Variants in COL1A2 observed in about 807,000 individuals in gnomAD.
COL1A2 encodes collagen type I alpha 2 chain, also known as collagen alpha-2(I) chain.
A neutral mutation model predicts 174.3 loss-of-function variants in COL1A2; 49 were observed. That is an observed-to-expected ratio of 0.28 (90% CI 0.22 to 0.36). The LOEUF (loss-of-function observed/expected upper bound fraction) is 0.36. Among genes scored for constraint, COL1A2 ranks in the 10% least tolerant of loss-of-function variants. The pLI, the probability that COL1A2 is intolerant of heterozygous loss-of-function variation, is 1.00. For synonymous variants in COL1A2, 655 were observed against 606.6 expected, an observed-to-expected ratio of 1.08 and a Z score of -1.17; for missense variants, 1,438 against 1,822.7, an observed-to-expected ratio of 0.79 and a Z score of 3.84.
chr7:94,419,608 A>G, intron 34 of COL1A2, 57 bp downstream of exon 34: 1 of 1,578,568 alleles, frequency 6.3e-7, no homozygotes, highest in Non-Finnish European at 8.7e-7. Context: ...CGCCTTCCCT[A>G]GTCCCAAAGA....
At chr7:94,415,350 G>C in intron 30 of COL1A2, 80 bp downstream of exon 30, 1 of 1,196,940 alleles carries the variant, frequency 8.4e-7, no homozygotes, top group Non-Finnish European at 1.3e-6. Flanking sequence ...TAAAGCCACT[G>C]ATGACCCTGC....
At position 94,406,261 on chromosome 7, in the gene COL1A2, T is replaced by G; in HGVS notation, c.552T>G (p.Gly184=). 12 of 1,613,902 alleles carry G rather than the reference T, an allele frequency of 7.4e-6. No homozygotes were observed. The highest frequency in any genetic ancestry group is 1.0e-5 in the Non-Finnish European group (12 of 1,179,838). Residue 184 remains glycine (G), a synonymous_variant, in exon 12 of 52, where the codon GGT becomes GGG. Transcript: ENST00000297268. Reference sequence around the variant, plus strand: ...GGCTTTCCTTTCAGGGACACAATGGTCTGGATGGATTGAAGGGACAGCCCG... The same window carrying G: ...GGCTTTCCTTTCAGGGACACAATGGGCTGGATGGATTGAAGGGACAGCCCG... ...PGFKGIRGHN[G]LDGLKGQPGA... is the part of the protein sequence containing the mutation.
chr7:94,397,535 A>G (rs1256089220), intron 1 of COL1A2, among the ~76,000 whole-genome samples: 2 of 152,106 alleles, frequency 1.3e-5, no homozygotes, highest in African/African-American at 2.4e-5. Flanking sequence ...ACATTTACAT[A>G]TTAATATTGC....
chr7:94,404,479 G>T, intron 6 of COL1A2, 77 bp from the exon 7 acceptor site: 1 of 1,459,934 alleles, frequency 6.8e-7, no homozygotes, highest in Non-Finnish European at 9.6e-7. Flanking sequence ...GCACTGCTAA[G>T]TTGGTCATAT....
At chr7:94,397,698 T>C (rs1281987013) in intron 1 of COL1A2, 50 bp from the exon 2 acceptor site, 5 of 1,046,036 alleles carry the variant, frequency 4.8e-6, no homozygotes, top group African/African-American at 3.1e-5. Flanking sequence ...TATTGATCCA[T>C]GAAGTGATAC....
Position 94,415,491 on chromosome 7 carries a change from C to A in COL1A2, c.1764+221C>A, listed in dbSNP as rs2250365. 0.28 allele frequency among the ~76,000 whole-genome samples: 43,021 copies of A among 151,922 alleles called. 6,199 individuals are homozygous for A. The highest frequency in any genetic ancestry group is 0.31 in the Non-Finnish European group (21,118 of 67,910). On this transcript the variant is annotated intron_variant, in intron 30 of 51. Coordinates refer to ENST00000297268, the MANE Select transcript of COL1A2 (RefSeq NM_000089.4). ...AATAATTACATAGTTATAAGAAACA[C>A]ATAAATCAATATATATTATAGTCAG...
intron 42 of COL1A2, 147 bp from the exon 43 acceptor site, chr7:94,425,463 T>C: frequency 1.1e-6 from 1 of 912,394 alleles, no homozygotes; most frequent in East Asian, 2.6e-5. Flanking sequence ...ATATCTAGGT[T>C]GGCAGGTTTT....
At chr7:94,408,482 A>G in intron 15 of COL1A2, 102 bp downstream of exon 15, 6 of 1,370,640 alleles carry the variant, frequency 4.4e-6, no homozygotes, top group Non-Finnish European at 6.3e-6. Flanking sequence ...CAGACACTTT[A>G]CCAAATGTTC....
Position 94,420,565 on chromosome 7 carries a change from A to G in COL1A2, c.2212A>G (p.Lys738Glu). The change falls in exon 37 of 52, where the codon AAA becomes GAA. Residue 738 changes from lysine to glutamate, a missense_variant. Lys to Glu is a moderately conservative substitution (Grantham distance 56, BLOSUM62 1). Around this residue, in one of 3 missense-constraint regions of COL1A2, gnomAD observed 867 missense variants for 1,213.7 expected, o/e 0.71. Coordinates refer to ENST00000297268, the MANE Select transcript of COL1A2 (RefSeq NM_000089.4). ...PAGAAGQPGA[K>E]GERGAKGPKG... ...GGGTGCTGCTGGTCAACCTGGTGCT[A>G]AAGGAGAAAGAGGAGCCAAAGGGCC... The G allele has an allele frequency of 6.2e-7, 1 of 1,613,934 alleles. No individual in the cohort carries two copies. Among genetic ancestry groups the G allele is most frequent in the Non-Finnish European group, 8.5e-7 (1 of 1,179,936 alleles).
chr7:94,398,664 AG>A lies in COL1A2; in HGVS notation c.96+269del, dbSNP rs1390225457. Among the ~76,000 whole-genome samples, 9 of 152,114 alleles carry A rather than the reference AG, an allele frequency of 5.9e-5. No homozygotes were observed. The East Asian group carries it at 1.3e-3, about 23-fold the overall frequency. Reference sequence around the variant, plus strand: ...AAAAAAAGACTTGTTTTTATTCTGGAGATGGAAGGCATATTATGTTAATTAT... The same window carrying A: ...AAAAAAAGACTTGTTTTTATTCTGGAATGGAAGGCATATTATGTTAATTAT... On this transcript the variant is annotated intron_variant, in intron 3 of 51. Transcript: ENST00000297268.
At position 94,397,753 on chromosome 7, in the gene COL1A2, C is replaced by T; in HGVS notation, c.76C>T (p.Gln26Ter). 2 of 1,293,686 alleles carry T rather than the reference C, an allele frequency of 1.5e-6. No homozygotes were observed. Among genetic ancestry groups the T allele is most frequent in the Non-Finnish European group, 2.2e-6 (2 of 903,316 alleles). 80.1% of individuals were successfully genotyped at this position (1,293,686 alleles called of 1,614,324 possible). Residue 26 changes from glutamine (Q) to a stop codon, truncating the protein, a stop_gained, in exon 2 of 52, where the codon CAA becomes TAA. Transcript: ENST00000297268. LOFTEE classifies it high-confidence loss of function. ...TLCLATCQSLQEETVRKGPAG... is the reference protein window; with the variant it reads ...TLCLATCQSL The stretch of plus-strand genomic sequence containing the variant: ...TTTCTTTTTTTTTTCTACAGCTTTA[C>T]AAGAGGTGAGTAAAACTTTTTTTAG...
Position 94,418,479 on chromosome 7 carries a change from C to T in COL1A2, c.1972-20C>T, listed in dbSNP as rs760397465. ...ATTTTGGTCAGAAAACAAAAAGTTG[C>T]TCTTGCTTTATACTTTCAGGGTGAA... is the stretch of plus-strand genomic sequence containing the variant. On this transcript the variant is annotated intron_variant, in intron 32 of 51. Coordinates refer to ENST00000297268, the MANE Select transcript of COL1A2 (RefSeq NM_000089.4). 3.7e-6 allele frequency: 6 copies of T among 1,612,806 alleles called. 1 individual carries two copies. Among genetic ancestry groups the T allele is most frequent in the African/African-American group, 2.7e-5 (2 of 74,942 alleles).
chr7:94,428,481 A>C lies in COL1A2; in HGVS notation c.3711+4A>C. On this transcript the variant is annotated splice_donor_region_variant and intron_variant, in intron 50 of 51. Transcript: ENST00000297268. ...AACTATCAATGCTGGCAGCCAGGTG[A>C]GGAATCCCACAAACACCTCTCCTTC... The C allele has an allele frequency of 6.2e-7, 1 of 1,612,930 alleles. No individual in the cohort carries two copies. Among genetic ancestry groups the C allele is most frequent in the Middle Eastern group, 1.7e-4 (1 of 6,060 alleles).
At chr7:94,429,473 TG>T in intron 51 of COL1A2, 43 bp downstream of exon 51, 1 of 1,609,506 alleles carries the variant, frequency 6.2e-7, no homozygotes, top group Non-Finnish European at 8.5e-7. Flanking sequence ...GGAAGTGGGA[TG>T]GAGGGGGTTC....
At chr7:94,406,889 G>C (rs563056778) in intron 12 of COL1A2, among the ~76,000 whole-genome samples, 1 of 152,104 alleles carries the variant, frequency 6.6e-6, no homozygotes, top group Non-Finnish European at 1.5e-5. Flanking sequence ...GAATACCAAC[G>C]TAATTACAAA....
intron 25 of COL1A2, 35 bp from the exon 26 acceptor site, chr7:94,413,048 G>A: frequency 6.2e-7 from 1 of 1,604,366 alleles, no homozygotes; most frequent in Non-Finnish European, 8.5e-7. Flanking sequence ...AATGTGCAAA[G>A]CTGTTCTTTG....
chr7:94,429,513 T>TA, intron 51 of COL1A2, 83 bp downstream of exon 51: 4 of 1,446,042 alleles, frequency 2.8e-6, no homozygotes, highest in Non-Finnish European at 2.9e-6. Flanking sequence ...AGGGGGGGTC[T>TA]AAAGGGGGGT....
intron 4 of COL1A2, 122 bp from the exon 5 acceptor site, chr7:94,400,074 G>C (rs1479451916): frequency 1.2e-6 from 1 of 861,840 alleles, no homozygotes; most frequent in East Asian, 2.4e-5. Flanking sequence ...GACAAATATA[G>C]TATATTAAAT....
chr7:94,413,073 T>C lies in COL1A2; in HGVS notation c.1504-10T>C, dbSNP rs1477205196. 1 of 1,613,920 alleles carries C rather than the reference T, an allele frequency of 6.2e-7. No individual in the cohort carries two copies. The highest frequency in any genetic ancestry group is 8.5e-7 in the Non-Finnish European group (1 of 1,179,910). Reference sequence around the variant, plus strand: ...GCTGTTCTTTGTTTTGTTTTTCATTTTTACTCTAGGGTGATCCTGGCAAAA... The same window carrying C: ...GCTGTTCTTTGTTTTGTTTTTCATTCTTACTCTAGGGTGATCCTGGCAAAA... On this transcript the variant is annotated splice_polypyrimidine_tract_variant and intron_variant, in intron 25 of 51. Coordinates refer to ENST00000297268, the MANE Select transcript of COL1A2 (RefSeq NM_000089.4).
Sources: allele counts gnomAD v4.1 joint callset (sites outside exome capture counted in the v4.1 genomes callset), GRCh38; gene constraint gnomAD v4.1.1; regional missense constraint gnomAD v4.1.1; transcripts MANE v1.5; gene names NCBI Gene and HGNC (gene_info 2026-07-23, HGNC 2026-07-21).